Variants in SLC9A8 observed in about 807,000 individuals in gnomAD.
SLC9A8 encodes solute carrier family 9 member A8.
SLC9A8 carries 48 observed loss-of-function variants against 66.6 expected under a neutral mutation model. The ratio of observed to expected loss-of-function variants is 0.72; its 90% CI spans 0.57 to 0.92. SLC9A8 has a LOEUF of 0.92. Among genes scored for constraint, SLC9A8 ranks in the 40% least tolerant of loss-of-function variants. SLC9A8 has a pLI of 0.00. For synonymous variants in SLC9A8, 274 were observed against 282.6 expected, an observed-to-expected ratio of 0.97 and a Z score of 0.31; for missense variants, 599 against 747.3, an observed-to-expected ratio of 0.80 and a Z score of 2.31.
intron 11 of SLC9A8, among the ~76,000 whole-genome samples, chr20:49,876,081 C>T (rs2089417832): frequency 1.3e-5 from 2 of 152,100 alleles, no homozygotes; most frequent in Non-Finnish European, 2.9e-5. Flanking sequence ...TGTTAGCGTG[C>T]TAGGAGGCAA....
rs577600193 is a variant in SLC9A8, at chr20:49,849,783, C to T, written c.534+103C>T. On this transcript the variant is annotated intron_variant, in intron 6 of 15. Transcript: ENST00000361573. The stretch of plus-strand genomic sequence containing the variant: ...GGGCCACTTTGTGGGGCCTGGGTTT[C>T]ACCCTTAAGGTAAATTCCTTCTGGA... 87 of 888,190 alleles carry T rather than the reference C, an allele frequency of 9.8e-5. No homozygotes were observed. The South Asian group carries it at 1.1e-3, about 11-fold the overall frequency. 55.0% of individuals were successfully genotyped at this position (888,190 alleles called of 1,614,324 possible).
At chr20:49,866,534 A>T (rs900914578) in intron 10 of SLC9A8, among the ~76,000 whole-genome samples, 4 of 152,198 alleles carry the variant, frequency 2.6e-5, no homozygotes, top group Non-Finnish European at 4.4e-5. Context: ...ATTTTAATTT[A>T]AAAAAGTTTA....
chr20:49,872,248 A>C (rs2089240276), intron 10 of SLC9A8, among the ~76,000 whole-genome samples: 1 of 152,152 alleles, frequency 6.6e-6, no homozygotes, highest in Non-Finnish European at 1.5e-5. Context: ...GCATGGCTGG[A>C]ATCTCCCTGT....
chr20:49,839,420 C>G, intron 3 of SLC9A8, 121 bp from the exon 4 acceptor site: 1 of 550,028 alleles, frequency 1.8e-6, no homozygotes, highest in Non-Finnish European at 3.3e-6. Context: ...CAAAACGAAG[C>G]TGTGCCCCAA....
intron 2 of SLC9A8, 131 bp from the exon 3 acceptor site, chr20:49,822,930 G>C (rs12329464): frequency 2.9e-6 from 2 of 701,372 alleles, no homozygotes; most frequent in African/African-American, 3.6e-5. Flanking sequence ...CACCGCTGAA[G>C]TTCACTGTGT....
At chr20:49,821,994 G>A (rs2086755474) in intron 2 of SLC9A8, among the ~76,000 whole-genome samples, 1 of 152,202 alleles carries the variant, frequency 6.6e-6, no homozygotes, top group Non-Finnish European at 1.5e-5. Context: ...TACCAGTGGT[G>A]TGACAGGGGC....
At chr20:49,861,118 T>C (rs769586268) in intron 8 of SLC9A8, among the ~76,000 whole-genome samples, 1 of 152,160 alleles carries the variant, frequency 6.6e-6, no homozygotes, top group Non-Finnish European at 1.5e-5. Context: ...AGTGACAGTG[T>C]GGCCCAGATG....
chr20:49,877,187 G>C (rs1307545692), intron 11 of SLC9A8, among the ~76,000 whole-genome samples: 3 of 151,766 alleles, frequency 2.0e-5, no homozygotes, highest in Admixed American at 1.3e-4. Flanking sequence ...CCAGCTGCTT[G>C]GGAGGCTGAG....
chr20:49,851,771 C>CA (rs1756434281), intron 7 of SLC9A8, among the ~76,000 whole-genome samples: 1 of 152,162 alleles, frequency 6.6e-6, no homozygotes, highest in Admixed American at 6.5e-5. Context: ...GATACATAAA[C>CA]AAGTAGTCCT....
intron 11 of SLC9A8, among the ~76,000 whole-genome samples, chr20:49,875,491 C>T (rs967792490): frequency 1.3e-5 from 2 of 152,120 alleles, no homozygotes; most frequent in African/African-American, 2.4e-5. Flanking sequence ...GGACATCACT[C>T]GGGGACAGTT....
chr20:49,839,998 A>G (rs1167104669), intron 4 of SLC9A8, among the ~76,000 whole-genome samples: 3 of 152,072 alleles, frequency 2.0e-5, no homozygotes, highest in Non-Finnish European at 2.9e-5. Context: ...TACTTTATAT[A>G]TTGTAGCTCA....
chr20:49,877,126 GAAAAAAAAA>G lies in SLC9A8; in HGVS notation c.1076-844_1076-836del, dbSNP rs113268405. On this transcript the variant is annotated intron_variant, in intron 11 of 15. Coordinates refer to ENST00000361573, the MANE Select transcript of SLC9A8 (RefSeq NM_015266.3). ...AACACAGTGAAACCCTGTCTCTACT[GAAAAAAAAA>G]AAAAAAAAAATAGCTGGGCGTGGTG... is the stretch of plus-strand genomic sequence containing the variant. 6.6e-3 allele frequency among the ~76,000 whole-genome samples: 737 copies of G among 112,194 alleles called. 14 individuals are homozygous for G. Among genetic ancestry groups the G allele is most frequent in the African/African-American group, 0.022 (710 of 32,076 alleles). The allele number at this position is 112,194 out of a possible 152,430, so 73.6% of individuals were successfully genotyped here. A position where few individuals can be genotyped will look rare whatever the true frequency, so the allele number is the denominator to read the frequency against.
At position 49,834,406 on chromosome 20, in the gene SLC9A8, T is replaced by C. The variant is rs2087418034; in HGVS notation, c.290-5135T>C. Among the ~76,000 whole-genome samples, 5 of 40,716 alleles carry C rather than the reference T, an allele frequency of 1.2e-4. 1 individual carries two copies. Among genetic ancestry groups the C allele is most frequent in the Admixed American group, 2.4e-4 (1 of 4,178 alleles). The allele number at this position is 40,716 out of a possible 152,430, so 26.7% of individuals were successfully genotyped here. On this transcript the variant is annotated intron_variant, in intron 3 of 15. Coordinates refer to ENST00000361573, the MANE Select transcript of SLC9A8 (RefSeq NM_015266.3). ...ATACTGTGTATATATATATACTGTG[T>C]ATATATATATACTGTATATATATAC...
intron 10 of SLC9A8, among the ~76,000 whole-genome samples, chr20:49,872,907 T>A (rs1340019370): frequency 6.6e-6 from 1 of 152,216 alleles, no homozygotes. Context: ...TGGCAGCTTA[T>A]TTGATGATTT....
rs12329462 is a variant in SLC9A8, at chr20:49,822,923, C to T, written c.209-138C>T. On this transcript the variant is annotated intron_variant, in intron 2 of 15. Coordinates refer to ENST00000361573, the MANE Select transcript of SLC9A8 (RefSeq NM_015266.3). Reference sequence around the variant, plus strand: ...TTAAGAAATGAGACACGAAAAACACCGCTGAAGTTCACTGTGTTATTCCAA... The same window carrying T: ...TTAAGAAATGAGACACGAAAAACACTGCTGAAGTTCACTGTGTTATTCCAA... The T allele has an allele frequency of 3.9e-3, 2,646 of 671,054 alleles. 49 individuals are homozygous for T. In the African/African-American group the frequency reaches 0.045, roughly 11 times the overall value. The allele number at this position is 671,054 out of a possible 1,614,324, so 41.6% of individuals were successfully genotyped here.
At position 49,890,097 on chromosome 20, in the gene SLC9A8, G is replaced by A. The variant is rs2090007914; in HGVS notation, c.*2161G>A. The A allele has an allele frequency of 6.6e-6, 1 of 152,120 alleles. No homozygotes were observed. The highest frequency in any genetic ancestry group is 1.5e-5 in the Non-Finnish European group (1 of 68,048). The allele number at this position is 152,120 out of a possible 1,614,324, so 9.4% of individuals were successfully genotyped here. On this transcript the variant is annotated 3_prime_UTR_variant, in exon 16 of 16. Coordinates refer to ENST00000361573, the MANE Select transcript of SLC9A8 (RefSeq NM_015266.3). ...GGATTTGTTGGGGGCAAAGGGGGTG[G>A]CGGGACCGTTCCCAGGAGGTACCAG...
Position 49,831,143 on chromosome 20 carries a change from C to T in SLC9A8, c.289+8002C>T, listed in dbSNP as rs900153289. ...CTCTCCGCTAACTCCCTCTTCCTCACATGGGGTCAGGGGCCTGGGACTTTG... is the reference window on the plus strand; with the variant it reads ...CTCTCCGCTAACTCCCTCTTCCTCATATGGGGTCAGGGGCCTGGGACTTTG... On this transcript the variant is annotated intron_variant, in intron 3 of 15. Coordinates refer to ENST00000361573, the MANE Select transcript of SLC9A8 (RefSeq NM_015266.3). 5.4e-5 allele frequency: 28 copies of T among 520,322 alleles called. No individual in the cohort carries two copies. The East Asian group carries it at 9.1e-4, about 17-fold the overall frequency. 32.2% of individuals were successfully genotyped at this position (520,322 alleles called of 1,614,324 possible).
chr20:49,838,264 C>T (rs1014034593), intron 3 of SLC9A8, among the ~76,000 whole-genome samples: 8 of 152,146 alleles, frequency 5.3e-5, no homozygotes, highest in East Asian at 1.9e-4. Flanking sequence ...ACATAGTATC[C>T]GCATACTATT....
chr20:49,824,112 A>C (rs2086837191), intron 3 of SLC9A8, among the ~76,000 whole-genome samples: 1 of 152,194 alleles, frequency 6.6e-6, no homozygotes. Context: ...CCTGGACTTC[A>C]GTACTAAGTG....
Sources: allele counts gnomAD v4.1 joint callset (sites outside exome capture counted in the v4.1 genomes callset), GRCh38; gene constraint gnomAD v4.1.1; transcripts MANE v1.5; gene names NCBI Gene and HGNC (gene_info 2026-07-23, HGNC 2026-07-21).